NETO1: variants seen among roughly 807,000 people sequenced by gnomAD.
NETO1 encodes neuropilin and tolloid like 1, also known as neuropilin and tolloid-like protein 1.
Under a neutral mutation model 61.3 loss-of-function variants are expected in NETO1, and 26 were observed. The ratio of observed to expected loss-of-function variants is 0.42; its 90% CI spans 0.31 to 0.59. The LOEUF is 0.59. Among genes scored for constraint, NETO1 ranks in the 20% least tolerant of loss-of-function variants. The probability of loss-of-function intolerance (pLI) is 0.12; values close to 1 mark genes in which losing one functional copy is unlikely to be tolerated. For missense variants in NETO1, 531 were observed against 662.8 expected, an observed-to-expected ratio of 0.80 and a Z score of 2.18; for synonymous variants, 225 against 225.8, an observed-to-expected ratio of 1.00 and a Z score of 0.03.
In NETO1 at chr18:72,830,617, G is replaced by A. The variant is rs1253382032; in HGVS notation, c.469+28209C>T. Among the ~76,000 whole-genome samples the A allele has an allele frequency of 6.6e-6, 1 of 152,174 alleles. No homozygotes were observed. The highest frequency in any genetic ancestry group is 1.9e-4 in the East Asian group (1 of 5,182). Reference sequence around the variant, plus strand: ...TTTGGTGTGGAGGTAGGATGTGGTGGGGAGGGGATGGATTTCTCCAGGTTA... The same window carrying A: ...TTTGGTGTGGAGGTAGGATGTGGTGAGGAGGGGATGGATTTCTCCAGGTTA... On this transcript the variant is annotated intron_variant, in intron 4 of 10. Coordinates refer to ENST00000327305, the MANE Select transcript of NETO1 (RefSeq NM_138966.5). The surrounding 1 kb of genome is among the most constrained non-coding windows in gnomAD (Gnocchi z 4.9).
intron 4 of NETO1, among the ~76,000 whole-genome samples, chr18:72,812,151 G>C (rs1422495000): frequency 1.3e-5 from 2 of 152,170 alleles, no homozygotes; most frequent in African/African-American, 4.8e-5. Flanking sequence ...TATGAAATAA[G>C]TACAATTATT....
chr18:72,768,649 GA>G (rs2071243667), intron 7 of NETO1, among the ~76,000 whole-genome samples: 1 of 152,198 alleles, frequency 6.6e-6, no homozygotes, highest in Admixed American at 6.5e-5. Flanking sequence ...AAGAGAGATG[GA>G]GACTGAAGGC....
intron 6 of NETO1, among the ~76,000 whole-genome samples, chr18:72,789,218 A>G (rs1015042347): frequency 7.4e-6 from 1 of 135,438 alleles, no homozygotes; most frequent in Non-Finnish European, 1.6e-5. Flanking sequence ...AAGCACACAC[A>G]CACACACACA....
At chr18:72,798,606 TTTTA>T (rs1233238122) in intron 4 of NETO1, among the ~76,000 whole-genome samples, 2 of 152,180 alleles carry the variant, frequency 1.3e-5, no homozygotes, top group Admixed American at 1.3e-4. Context: ...ACACCCATTA[TTTTA>T]TTTACTTCCA....
In NETO1 at chr18:72,772,793, T is replaced by TA. The variant is rs1391807702; in HGVS notation, c.868+10884_868+10885insT. Among the ~76,000 whole-genome samples, 64 of 58,942 alleles carry TA rather than the reference T, an allele frequency of 1.1e-3. 1 individual carries two copies. Among genetic ancestry groups the TA allele is most frequent in the African/African-American group, 4.1e-3 (60 of 14,676 alleles). 38.7% of individuals were successfully genotyped at this position (58,942 alleles called of 152,430 possible). On this transcript the variant is annotated intron_variant, in intron 7 of 10. Coordinates refer to ENST00000327305, the MANE Select transcript of NETO1 (RefSeq NM_138966.5). ...TATATATATACAGATCTCTATATAG[T>TA]TCTCTCTCTCTCTCTCTCTCTCTCT...
Position 72,770,954 on chromosome 18 carries a change from T to C in NETO1, c.868+12724A>G, listed in dbSNP as rs376620745. Among the ~76,000 whole-genome samples the C allele has an allele frequency of 2.8e-4, 43 of 152,280 alleles. 1 individual carries two copies. The East Asian group carries it at 7.3e-3, about 26-fold the overall frequency. On this transcript the variant is annotated intron_variant, in intron 7 of 10. Transcript: ENST00000327305. ...TTTTTCCATAACTAACAAAGTTATT[T>C]AAACTCATCCCATTTAAATCTGAAA...
chr18:72,855,099 ATTGT>A (rs1188769982), intron 4 of NETO1, among the ~76,000 whole-genome samples: 1 of 152,192 alleles, frequency 6.6e-6, no homozygotes, highest in Non-Finnish European at 1.5e-5. Context: ...TTTTTATTAA[ATTGT>A]TTGAGTTATC....
chr18:72,841,279 G>T (rs2073921727), intron 4 of NETO1, among the ~76,000 whole-genome samples: 1 of 152,170 alleles, frequency 6.6e-6, no homozygotes, highest in Non-Finnish European at 1.5e-5. Flanking sequence ...GAGATGGCAG[G>T]ATGAAATGGT....
chr18:72,758,156 C>T (rs1436561106), intron 7 of NETO1, among the ~76,000 whole-genome samples: 1 of 151,892 alleles, frequency 6.6e-6, no homozygotes, highest in Non-Finnish European at 1.5e-5. Context: ...ATTTGAATTC[C>T]AAATAATCCA....
At chr18:72,750,872 T>TACACACACACACACACAC (rs142668353) in intron 8 of NETO1, among the ~76,000 whole-genome samples, 1,537 of 118,706 alleles carry the variant, frequency 0.013, 42 homozygotes, top group Non-Finnish European at 0.017. Context: ...CAGCTTAAAA[T>TACACACACACACACACAC]ACACACACAC....
At chr18:72,794,511 A>T in intron 4 of NETO1, 107 bp from the exon 5 acceptor site, 1 of 1,077,870 alleles carries the variant, frequency 9.3e-7, no homozygotes, top group African/African-American at 1.6e-5. Flanking sequence ...TAAAAAACAC[A>T]TTAGGGAAAA....
At chr18:72,788,138 T>G (rs1464802536) in intron 6 of NETO1, among the ~76,000 whole-genome samples, 2 of 152,306 alleles carry the variant, frequency 1.3e-5, no homozygotes, top group South Asian at 2.1e-4. Flanking sequence ...GTGACTGTCT[T>G]GCATTTGTAC....
intron 4 of NETO1, among the ~76,000 whole-genome samples, chr18:72,808,661 A>AT (rs1253538763): frequency 1.3e-5 from 2 of 152,148 alleles, no homozygotes; most frequent in African/African-American, 4.8e-5. Flanking sequence ...CATAAATAAG[A>AT]TAAGGACACA....
chr18:72,864,491 A>G (rs1317389809), intron 3 of NETO1, among the ~76,000 whole-genome samples: 1 of 152,238 alleles, frequency 6.6e-6, no homozygotes, highest in Non-Finnish European at 1.5e-5. Flanking sequence ...ACACTTACAC[A>G]GTTAATATTG....
intron 4 of NETO1, among the ~76,000 whole-genome samples, chr18:72,811,737 C>T (rs1173541445): frequency 6.6e-6 from 1 of 152,000 alleles, no homozygotes; most frequent in African/African-American, 2.4e-5. Context: ...GCCAACTGTT[C>T]GAGGCTGCAG....
chr18:72,864,605 G>T (rs1244831337), intron 3 of NETO1, among the ~76,000 whole-genome samples: 1 of 152,186 alleles, frequency 6.6e-6, no homozygotes, highest in Non-Finnish European at 1.5e-5. Context: ...CACAGAATTT[G>T]CTTGTTCATA....
At chr18:72,865,384 C>G in intron 1 of NETO1, 143 bp from the exon 2 acceptor site, 1 of 1,139,666 alleles carries the variant, frequency 8.8e-7, no homozygotes, top group Non-Finnish European at 1.2e-6. Context: ...TCAGAACTTG[C>G]AAAAACCAAT....
Position 72,747,434 on chromosome 18 carries a change from T to C in NETO1, c.*745A>G, listed in dbSNP as rs1207873533. 6.6e-6 allele frequency: 1 copy of C among 151,940 alleles called. No homozygotes were observed. Among genetic ancestry groups the C allele is most frequent in the Non-Finnish European group, 1.5e-5 (1 of 67,930 alleles). 9.4% of individuals were successfully genotyped at this position (151,940 alleles called of 1,614,324 possible). Reference sequence around the variant, plus strand: ...CTGTCAATTTGGTCATATTGCTGAGTGCTTAATCAAAAACATTTCTACTGT... The same window carrying C: ...CTGTCAATTTGGTCATATTGCTGAGCGCTTAATCAAAAACATTTCTACTGT... On this transcript the variant is annotated 3_prime_UTR_variant, in exon 11 of 11. Transcript: ENST00000327305.
rs2145384655 is a variant in NETO1 at position 72,830,547 on chromosome 18, A to G, written c.469+28279T>C. On this transcript the variant is annotated intron_variant, in intron 4 of 10. Transcript: ENST00000327305. This position sits in a 1 kb window ranked among gnomAD's most constrained non-coding sequence, Gnocchi z 4.9. The stretch of plus-strand genomic sequence containing the variant: ...AGGGTTGGCTTACAATTCCTCAATG[A>G]ACAGATGTATTACAGAAGACTGCCA... Among the ~76,000 whole-genome samples the G allele has an allele frequency of 6.6e-6, 1 of 152,322 alleles. No individual in the cohort carries two copies. Among genetic ancestry groups the G allele is most frequent in the South Asian group, 2.1e-4 (1 of 4,822 alleles).
Sources: gnomAD v4.1 joint callset for allele counts (sites outside exome capture counted in the v4.1 genomes callset) on GRCh38, gnomAD v4.1.1 for gene constraint, Gnocchi (gnomAD v3.1) non-coding constraint, MANE v1.5 for transcripts, NCBI Gene and HGNC (gene_info 2026-07-23, HGNC 2026-07-21) for gene names.